Variants in P2RX5 observed in about 807,000 individuals in gnomAD.
P2RX5 encodes purinergic receptor P2X 5.
Under a neutral mutation model 54.1 loss-of-function variants are expected in P2RX5, and 46 were observed. That is an observed-to-expected ratio of 0.85 (90% CI 0.67 to 1.09). P2RX5 has a LOEUF of 1.09. Among genes scored for constraint, P2RX5 ranks in the 50% least tolerant of loss-of-function variants. The pLI, the probability that P2RX5 is intolerant of heterozygous loss-of-function variation, is 0.00. For missense variants in P2RX5, 566 were observed against 549.8 expected, an observed-to-expected ratio of 1.03 and a Z score of -0.29; for synonymous variants, 226 against 226.4, an observed-to-expected ratio of 1.00 and a Z score of 0.02.
the P2RX5 span, among the ~76,000 whole-genome samples, chr17:3,711,403 G>T: frequency 2.2e-5 from 1 of 45,000 alleles, no homozygotes; most frequent in Admixed American, 2.8e-4. Context: ...TTTTTTTTGA[G>T]ACGGAGTCTC....
chr17:3,716,200 T>TA, the P2RX5 span, among the ~76,000 whole-genome samples: 1 of 137,408 alleles, frequency 7.3e-6, no homozygotes. Flanking sequence ...AAGCAACACT[T>TA]AAGGGCAGAG....
chr17:3,695,894 C>G lies in P2RX5; in HGVS notation c.112G>C (p.Ala38Pro). 1 of 1,613,732 alleles carries G rather than the reference C, an allele frequency of 6.2e-7. No homozygotes were observed. The highest frequency in any genetic ancestry group is 8.5e-7 in the Non-Finnish European group (1 of 1,179,802). Residue 38 changes from alanine to proline, a missense_variant, in exon 1 of 12, where the codon GCC (alanine) becomes CCC (proline). By Grantham distance (27) the Ala-to-Pro change is conservative (BLOSUM62 -1). Transcript: ENST00000225328. ...KVGLLYRLLQ[A>P]SILAYLVVWV... ...ACGACCAGGTACGCCAGGATGGAGG[C>G]CTGCAGCAGCCGGTACAGCAGGCCC... is the stretch of plus-strand genomic sequence containing the variant.
At chr17:3,702,642 G>A in the P2RX5 span, among the ~76,000 whole-genome samples, 1 of 152,060 alleles carries the variant, frequency 6.6e-6, no homozygotes, top group Non-Finnish European at 1.5e-5. Flanking sequence ...CTGGAAGGAA[G>A]AAACTCTGGA....
At chr17:3,723,338 T>C in the P2RX5 span, 4 of 1,613,952 alleles carry the variant, frequency 2.5e-6, no homozygotes, top group Non-Finnish European at 3.4e-6. Flanking sequence ...ACATTTTCTT[T>C]ATCTGAAGCG....
In P2RX5 at chr17:3,679,923, TTCCTCCATGCGGCTCCCTCCACCCTGCA is replaced by T. The variant is rs1326950632; in HGVS notation, c.1065-167_1065-140del. On this transcript the variant is annotated intron_variant, in intron 10 of 11. Transcript: ENST00000225328. ...CTCCAGCCGGTGTCCTCCACCCTGC[TTCCTCCATGCGGCTCCCTCCACCCTGCA>T]TCCTCCACCCTGCTCTCTCCACCCT... 3.7e-4 allele frequency: 272 copies of T among 738,610 alleles called. 1 individual carries two copies. Among genetic ancestry groups the T allele is most frequent in the Middle Eastern group, 6.6e-4 (2 of 3,036 alleles). 45.8% of individuals were successfully genotyped at this position (738,610 alleles called of 1,614,324 possible). A position where few individuals can be genotyped will look rare whatever the true frequency, so the allele number is the denominator to read the frequency against.
At chr17:3,687,963 C>T (rs1209119048) in intron 9 of P2RX5, 49 bp downstream of exon 9, 1 of 335,398 alleles carries the variant, frequency 3.0e-6, no homozygotes, top group South Asian at 1.9e-5. Flanking sequence ...CGTCCCCCTC[C>T]CAGCCCCCGC....
chr17:3,710,027 TTATAA>T, the P2RX5 span, among the ~76,000 whole-genome samples: 3 of 152,168 alleles, frequency 2.0e-5, no homozygotes, highest in Non-Finnish European at 4.4e-5. Flanking sequence ...TCTGGTGCCA[TTATAA>T]TATAATTATG....
At chr17:3,692,058 A>G in intron 1 of P2RX5, 1 of 501,220 alleles carries the variant, frequency 2.0e-6, no homozygotes, top group Non-Finnish European at 3.6e-6. Flanking sequence ...GCAGTGGCTC[A>G]CGCCTATAAT....
At chr17:3,711,644 G>T in the P2RX5 span, among the ~76,000 whole-genome samples, 9 of 151,814 alleles carry the variant, frequency 5.9e-5, no homozygotes, top group Non-Finnish European at 1.3e-4. Context: ...GGCGCCTCCC[G>T]AAGTGCTGGG....
At chr17:3,704,087 A>C in the P2RX5 span, among the ~76,000 whole-genome samples, 2 of 145,334 alleles carry the variant, frequency 1.4e-5, no homozygotes, top group African/African-American at 5.0e-5. Flanking sequence ...CGGCAACAAG[A>C]GCAAAACTCT....
chr17:3,690,689 A>G lies in P2RX5; in HGVS notation c.361-9T>C, dbSNP rs762841210. The G allele has an allele frequency of 4.3e-5, 69 of 1,612,652 alleles. No homozygotes were observed. Among genetic ancestry groups the G allele is most frequent in the Non-Finnish European group, 5.8e-5 (68 of 1,179,848 alleles). ...TCAGGAATGCCTTCATTCTGCCAGG[A>G]GAGAAGGGGCACCTGGATGGGGGGG... On this transcript the variant is annotated splice_polypyrimidine_tract_variant and intron_variant, in intron 3 of 11. Coordinates refer to ENST00000225328, the MANE Select transcript of P2RX5 (RefSeq NM_002561.4).
At chr17:3,702,998 C>T in the P2RX5 span, among the ~76,000 whole-genome samples, 59,378 of 152,044 alleles carry the variant, frequency 0.39, 13,804 homozygotes, top group South Asian at 0.61. Context: ...GTAAAAGCTA[C>T]GAGGGAGCCT....
At chr17:3,675,349 T>C (rs1699001160) in intron 11 of P2RX5, 1 of 984,724 alleles carries the variant, frequency 1.0e-6, no homozygotes, top group Non-Finnish European at 1.2e-6. Flanking sequence ...TAGGAAGACA[T>C]TTTTGTTGCA....
chr17:3,674,042 C>T (rs1352152559), intron 11 of P2RX5, among the ~76,000 whole-genome samples, 165 bp from the exon 12 acceptor site: 1 of 152,184 alleles, frequency 6.6e-6, no homozygotes, highest in Non-Finnish European at 1.5e-5. Context: ...GGCGCGGTGG[C>T]TCATGCCCAT....
chr17:3,681,671 T>C (rs2050285895), intron 10 of P2RX5, among the ~76,000 whole-genome samples: 1 of 152,212 alleles, frequency 6.6e-6, no homozygotes, highest in African/African-American at 2.4e-5. Context: ...GCGGAGCCTG[T>C]GAACTCCGTC....
chr17:3,677,320 G>A, intron 11 of P2RX5: 7 of 984,920 alleles, frequency 7.1e-6, no homozygotes, highest in Non-Finnish European at 8.4e-6. Flanking sequence ...TCCCATCTGG[G>A]CAGGTCCATA....
At chr17:3,676,992 G>A (rs1254183803) in intron 11 of P2RX5, 8 of 656,364 alleles carry the variant, frequency 1.2e-5, no homozygotes, top group Non-Finnish European at 1.5e-5. Context: ...AACCTGGGAG[G>A]CGGAGGTTCC....
chr17:3,694,543 T>G (rs1160434161), intron 1 of P2RX5, among the ~76,000 whole-genome samples: 1 of 152,052 alleles, frequency 6.6e-6, no homozygotes. Context: ...CTTAGTTAAA[T>G]ATGTCCTGCT....
the P2RX5 span, chr17:3,721,852 C>A: frequency 6.6e-6 from 1 of 151,780 alleles, no homozygotes; most frequent in African/African-American, 2.4e-5. Context: ...TCAAGACCAG[C>A]CTGACCAACA....
Sources: gnomAD v4.1 joint callset for allele counts (sites outside exome capture counted in the v4.1 genomes callset) on GRCh38, gnomAD v4.1.1 for gene constraint, MANE v1.5 for transcripts, NCBI Gene and HGNC (gene_info 2026-07-23, HGNC 2026-07-21) for gene names.